Variants in FLNB observed in about 807,000 individuals in gnomAD.
FLNB encodes the protein filamin B, also known as filamin-B.
Under a neutral mutation model 250.6 loss-of-function variants are expected in FLNB, and 111 were observed. That is an observed-to-expected ratio of 0.44 (90% CI 0.38 to 0.52). The LOEUF is 0.52. Ranked by LOEUF, FLNB falls within the 20% of genes least tolerant of loss-of-function variation. The pLI is 0.00. For synonymous variants in FLNB, 1,302 were observed against 1,372.1 expected, an observed-to-expected ratio of 0.95 and a Z score of 1.13; for missense variants, 2,869 against 3,447.8, an observed-to-expected ratio of 0.83 and a Z score of 4.20.
intron 1 of FLNB, among the ~76,000 whole-genome samples, chr3:58,058,886 G>A (rs146023362): frequency 3.9e-5 from 6 of 152,196 alleles, no homozygotes; most frequent in Non-Finnish European, 2.9e-5. Context: ...GAATGTTTGG[G>A]AGACTTGTTC....
chr3:58,151,307 GCGTAAA>G (rs2097344420), intron 38 of FLNB: 1 of 149,120 alleles, frequency 6.7e-6, no homozygotes, highest in Non-Finnish European at 1.5e-5. Context: ...CACAAGAATT[GCGTAAA>G]CCTGGGAGGT....
At chr3:58,044,963 T>C (rs1168758082) in intron 1 of FLNB, among the ~76,000 whole-genome samples, 2 of 152,164 alleles carry the variant, frequency 1.3e-5, no homozygotes, top group African/African-American at 4.8e-5. Context: ...TCAGTGCTGA[T>C]TACTTCCAGG....
chr3:58,150,644 G>A (rs2097343255), intron 38 of FLNB: 3 of 294,326 alleles, frequency 1.0e-5, no homozygotes, highest in East Asian at 1.8e-4. Flanking sequence ...AAATTAGAAC[G>A]AGGGCTGTGC....
Position 58,111,810 on chromosome 3 carries a change from T to G in FLNB, c.2504T>G (p.Phe835Cys). The G allele has an allele frequency of 6.2e-7, 1 of 1,614,080 alleles. No individual in the cohort carries two copies. The highest frequency in any genetic ancestry group is 8.5e-7 in the Non-Finnish European group (1 of 1,179,918). The change falls in exon 17 of 46, where the codon TTC becomes TGC. Residue 835 changes from phenylalanine to cysteine, a missense_variant. This residue lies in a region of FLNB where 1,348 missense variants were observed against 1,466.7 expected (regional missense o/e 0.92). Coordinates refer to ENST00000295956, the MANE Select transcript of FLNB (RefSeq NM_001457.4). Reference protein sequence around the residue: ...FASQEIPASPFRVKVDPSHDA... With the variant: ...FASQEIPASPCRVKVDPSHDA... ...CTACAGGAAATCCCCGCCAGCCCTT[T>G]CAGAGTCAAAGTTGACCCTTCCCAC...
intron 1 of FLNB, among the ~76,000 whole-genome samples, chr3:58,030,814 G>A (rs963057180): frequency 1.3e-5 from 2 of 152,044 alleles, no homozygotes; most frequent in African/African-American, 4.8e-5. Flanking sequence ...CAGAGGTTGC[G>A]GTGAGGTTGT....
chr3:58,101,373 T>A (rs1320648413), intron 8 of FLNB, among the ~76,000 whole-genome samples: 1 of 152,240 alleles, frequency 6.6e-6, no homozygotes, highest in Non-Finnish European at 1.5e-5. Flanking sequence ...CCGTTTCTAT[T>A]TACTGAAAAG....
rs147162135 is a variant in FLNB, at chr3:58,123,597, G to A, written c.3631G>A (p.Glu1211Lys). 3.0e-5 allele frequency: 48 copies of A among 1,612,126 alleles called. No homozygotes were observed. The African/African-American group carries it at 4.3e-4, about 14-fold the overall frequency. Residue 1211 changes from glutamate to lysine, a missense_variant, in exon 21 of 46, where the codon GAA becomes AAA. By Grantham distance (56) the Glu-to-Lys change is moderately conservative. This residue lies in a region of FLNB where 1,348 missense variants were observed against 1,466.7 expected (regional missense o/e 0.92). Coordinates refer to ENST00000295956, the MANE Select transcript of FLNB (RefSeq NM_001457.4). ...CACGTTGACCATGAAGTATGGTGGC[G>A]AACTCGTGCCACACTTCCCCGCCCG... is the stretch of plus-strand genomic sequence containing the variant. ...MYTLTMKYGG[E>K]LVPHFPARVK...
chr3:58,106,378 C>T (rs1298945186), intron 11 of FLNB, among the ~76,000 whole-genome samples: 2 of 103,744 alleles, frequency 1.9e-5, no homozygotes, highest in African/African-American at 3.4e-5. Context: ...ATATATATAT[C>T]CTCCTGGCCT....
At chr3:58,103,291 T>TGTGTGTGTGTGTGTGC (rs1553696911) in intron 9 of FLNB, among the ~76,000 whole-genome samples, 1 of 151,886 alleles carries the variant, frequency 6.6e-6, no homozygotes, top group Non-Finnish European at 1.5e-5. Flanking sequence ...TGTGTGTGTG[T>TGTGTGTGTGTGTGTGC]GTGCACGCGC....
chr3:58,012,853 A>G (rs930882274), intron 1 of FLNB, among the ~76,000 whole-genome samples: 1 of 152,230 alleles, frequency 6.6e-6, no homozygotes, highest in African/African-American at 2.4e-5. Context: ...TTGTGGAGTC[A>G]TTAGAATTGT....
chr3:58,152,232 C>T (rs2097346275), intron 38 of FLNB, among the ~76,000 whole-genome samples: 1 of 152,178 alleles, frequency 6.6e-6, no homozygotes. Flanking sequence ...GAGATCCCCT[C>T]CTCCTTAATG....
rs532445037 is a variant in FLNB at position 58,144,614 on chromosome 3, A to T, written c.5425+1001A>T. ...TCACAAAGATGTATCTGTGAGATTTAGTTACCAGAGGAGGCAATGCTAGGG... is the reference window on the plus strand; with the variant it reads ...TCACAAAGATGTATCTGTGAGATTTTGTTACCAGAGGAGGCAATGCTAGGG... On this transcript the variant is annotated intron_variant, in intron 32 of 45. Coordinates refer to ENST00000295956, the MANE Select transcript of FLNB (RefSeq NM_001457.4). Among the ~76,000 whole-genome samples the T allele has an allele frequency of 2.6e-5, 4 of 152,314 alleles. No individual in the cohort carries two copies. The South Asian group carries it at 8.3e-4, about 32-fold the overall frequency.
chr3:58,147,680 GAC>G (rs2097337882), intron 34 of FLNB, among the ~76,000 whole-genome samples: 1 of 152,154 alleles, frequency 6.6e-6, no homozygotes, highest in South Asian at 2.1e-4. Flanking sequence ...TTATTTTTGA[GAC>G]AGAGTCTCAC....
intron 27 of FLNB, 42 bp downstream of exon 27, chr3:58,134,814 A>T (rs1265920800): frequency 6.3e-7 from 1 of 1,580,020 alleles, no homozygotes; most frequent in East Asian, 2.2e-5. Flanking sequence ...TAATCCTAAG[A>T]CTTAATTTCT....
Position 58,136,042 on chromosome 3 carries a change from A to T in FLNB, c.4735A>T (p.Thr1579Ser). The change falls in exon 28 of 46, where the codon ACC (threonine) becomes TCC (serine). Residue 1579 changes from threonine to serine, a missense_variant. Coordinates refer to ENST00000295956, the MANE Select transcript of FLNB (RefSeq NM_001457.4). Reference protein sequence around the residue: ...HDNKDGTYAVTYIPDKTGRYM... With the variant: ...HDNKDGTYAVSYIPDKTGRYM... ...CAATAAAGATGGCACGTATGCTGTC[A>T]CCTACATCCCCGACAAGACTGGGCG... 1.9e-6 allele frequency: 3 copies of T among 1,614,226 alleles called. No individual in the cohort carries two copies. The highest frequency in any genetic ancestry group is 2.5e-6 in the Non-Finnish European group (3 of 1,180,036).
intron 20 of FLNB, 52 bp from the exon 21 acceptor site, chr3:58,123,041 C>G (rs2097291731): frequency 1.3e-6 from 2 of 1,513,222 alleles, no homozygotes; most frequent in Non-Finnish European, 1.8e-6. Flanking sequence ...GAAAGCAGTG[C>G]TGGCTGAGCA....
chr3:58,132,989 A>G, intron 26 of FLNB, 58 bp downstream of exon 26: 1 of 1,559,520 alleles, frequency 6.4e-7, no homozygotes, highest in Non-Finnish European at 8.7e-7. Context: ...CCACCCATCC[A>G]TTCCTCCATC....
At chr3:58,090,284 G>T (rs146265911) in intron 4 of FLNB, among the ~76,000 whole-genome samples, 2 of 151,978 alleles carry the variant, frequency 1.3e-5, no homozygotes, top group African/African-American at 4.8e-5. Context: ...GTGTGGAACC[G>T]CCGTCTCCTA....
In FLNB at chr3:58,109,307, G is replaced by A. The variant is rs763117090; in HGVS notation, c.2184G>A (p.Pro728=). The stretch of plus-strand genomic sequence containing the variant: ...TGGTCTGGGGAGGCGTGAACATCCC[G>A]CACAGCCCCTACAGGGTAGGTTGTG... ...IAVVWGGVNI[P]HSPYRVNIGQ... The change falls in exon 14 of 46, where the codon CCG becomes CCA. Residue 728 remains proline, a synonymous_variant. Transcript: ENST00000295956. 2.2e-5 allele frequency: 36 copies of A among 1,613,646 alleles called. No homozygotes were observed. Among genetic ancestry groups the A allele is most frequent in the Non-Finnish European group, 2.5e-5 (30 of 1,179,832 alleles).
Sources: allele counts gnomAD v4.1 joint callset (sites outside exome capture counted in the v4.1 genomes callset), GRCh38; gene constraint gnomAD v4.1.1; regional missense constraint gnomAD v4.1.1; transcripts MANE v1.5; gene names NCBI Gene and HGNC (gene_info 2026-07-23, HGNC 2026-07-21).